Variants in RBMS3 observed in about 807,000 individuals in gnomAD.
The protein encoded by RBMS3 is RNA binding motif single stranded interacting protein 3.
In RBMS3, 27 loss-of-function variants were observed where a neutral mutation model predicts 66.8. The ratio of observed to expected loss-of-function variants is 0.40; its 90% confidence interval spans 0.30 to 0.56. The LOEUF (loss-of-function observed/expected upper bound fraction) is 0.56, where lower values mean the gene tolerates loss of function less well. Ranked by LOEUF, RBMS3 falls within the 20% of genes least tolerant of loss-of-function variation. The pLI is 0.40. For missense variants in RBMS3, 513 were observed against 549.5 expected, an observed-to-expected ratio of 0.93 and a Z score of 0.66; for synonymous variants, 188 against 183.0, an observed-to-expected ratio of 1.03 and a Z score of -0.22.
chr3:29,739,470 A>AG (rs1198126649), intron 4 of RBMS3, among the ~76,000 whole-genome samples: 1 of 151,584 alleles, frequency 6.6e-6, no homozygotes, highest in Non-Finnish European at 1.5e-5. Flanking sequence ...AAAAAAAAAA[A>AG]AAAAAAGAAA....
At chr3:29,729,437 G>A (rs138417112) in intron 4 of RBMS3, among the ~76,000 whole-genome samples, 20 of 151,992 alleles carry the variant, frequency 1.3e-4, no homozygotes, top group East Asian at 1.2e-3. Context: ...GAATAGTGCC[G>A]CAATAAACAT....
chr3:29,394,325 C>T (rs1236880947), intron 1 of RBMS3, among the ~76,000 whole-genome samples: 1 of 152,162 alleles, frequency 6.6e-6, no homozygotes, highest in Non-Finnish European at 1.5e-5. Context: ...TCCCTTGTTC[C>T]CTGAAAATCG....
At chr3:29,973,036 A>G (rs1697325027) in intron 12 of RBMS3, among the ~76,000 whole-genome samples, 1 of 152,078 alleles carries the variant, frequency 6.6e-6, no homozygotes, top group African/African-American at 2.4e-5. Flanking sequence ...AGTTTCTGGA[A>G]GAACTAACTA....
At chr3:29,398,939 G>C (rs1285281820) in intron 1 of RBMS3, among the ~76,000 whole-genome samples, 1 of 152,120 alleles carries the variant, frequency 6.6e-6, no homozygotes, top group Non-Finnish European at 1.5e-5. Context: ...ATTTTCTGCT[G>C]TACATCTGGG....
intron 1 of RBMS3, among the ~76,000 whole-genome samples, chr3:29,319,170 T>G (rs2034864543): frequency 6.6e-6 from 1 of 151,826 alleles, no homozygotes; most frequent in South Asian, 2.1e-4. Flanking sequence ...TGGGACAAAG[T>G]GACATAAGGA....
intron 3 of RBMS3, among the ~76,000 whole-genome samples, chr3:29,582,731 A>C (rs1175377055): frequency 1.3e-5 from 2 of 152,178 alleles, no homozygotes; most frequent in African/African-American, 4.8e-5. Flanking sequence ...AACAAATTGA[A>C]AGCAAATTAA....
chr3:29,962,106 C>T (rs114289667), intron 12 of RBMS3, among the ~76,000 whole-genome samples: 1 of 144,286 alleles, frequency 6.9e-6, no homozygotes, highest in African/African-American at 2.5e-5. Flanking sequence ...ATATACATAT[C>T]TTTCTTTTAT....
At chr3:29,928,064 A>G (rs2060987641) in intron 10 of RBMS3, among the ~76,000 whole-genome samples, 1 of 151,748 alleles carries the variant, frequency 6.6e-6, no homozygotes, top group South Asian at 2.1e-4. Flanking sequence ...TCCACTATGA[A>G]AAACTAACGC....
intron 14 of RBMS3, among the ~76,000 whole-genome samples, chr3:30,002,689 T>C (rs773141730): frequency 7.9e-5 from 12 of 152,002 alleles, no homozygotes; most frequent in Non-Finnish European, 1.3e-4. Context: ...TCTCAACTAG[T>C]TGCTTTCCTC....
At chr3:29,957,249 CT>C (rs1325429858) in intron 12 of RBMS3, among the ~76,000 whole-genome samples, 1 of 152,126 alleles carries the variant, frequency 6.6e-6, no homozygotes, top group Non-Finnish European at 1.5e-5. Context: ...GCTATAAACT[CT>C]TAGAGCAGAG....
intron 6 of RBMS3, among the ~76,000 whole-genome samples, chr3:29,777,858 T>C (rs1184185831): frequency 6.6e-6 from 1 of 151,928 alleles, no homozygotes; most frequent in Non-Finnish European, 1.5e-5. Context: ...CTCAGAGGTT[T>C]CTCTTTTCCC....
At chr3:29,886,067 AAAC>A (rs1013240824) in intron 8 of RBMS3, among the ~76,000 whole-genome samples, 1 of 151,940 alleles carries the variant, frequency 6.6e-6, no homozygotes, top group African/African-American at 2.4e-5. Context: ...AGTAAAATTT[AAAC>A]ATCATAATAT....
At chr3:29,298,327 A>G (rs1056500506) in intron 1 of RBMS3, among the ~76,000 whole-genome samples, 3 of 151,916 alleles carry the variant, frequency 2.0e-5, no homozygotes, top group Non-Finnish European at 4.4e-5. Flanking sequence ...CCTCCACTTC[A>G]TCTTTCTTCT....
chr3:29,659,063 C>T (rs1276750591), intron 4 of RBMS3, among the ~76,000 whole-genome samples: 2 of 152,062 alleles, frequency 1.3e-5, no homozygotes, highest in Non-Finnish European at 2.9e-5. Flanking sequence ...GTAATCTGCC[C>T]GCCTCAGCCT....
chr3:29,984,563 G>A (rs749777114), intron 12 of RBMS3, among the ~76,000 whole-genome samples: 1 of 152,058 alleles, frequency 6.6e-6, no homozygotes, highest in Non-Finnish European at 1.5e-5. Flanking sequence ...TCTACCTTTA[G>A]TCTTTGATGC....
chr3:29,816,092 G>C (rs72848015), intron 6 of RBMS3, among the ~76,000 whole-genome samples: 1 of 152,048 alleles, frequency 6.6e-6, no homozygotes, highest in Non-Finnish European at 1.5e-5. Context: ...GATGTATAGG[G>C]AGTATGGATT....
At chr3:29,292,844 C>T (rs56403515) in intron 1 of RBMS3, among the ~76,000 whole-genome samples, 1 of 151,782 alleles carries the variant, frequency 6.6e-6, no homozygotes, top group African/African-American at 2.4e-5. Flanking sequence ...TTTTCCTTTC[C>T]AAAGGCAATA....
At chr3:29,572,391 C>T (rs1403849266) in intron 3 of RBMS3, among the ~76,000 whole-genome samples, 1 of 152,020 alleles carries the variant, frequency 6.6e-6, no homozygotes, top group African/African-American at 2.4e-5. Context: ...CAGTATAATA[C>T]TAGTCATGGG....
chr3:29,739,975 A>C (rs2054564208), intron 5 of RBMS3, 98 bp downstream of exon 5: 1 of 291,028 alleles, frequency 3.4e-6, no homozygotes, highest in Non-Finnish European at 4.5e-6. Flanking sequence ...TAGAATATGC[A>C]AAAAAAAAAA....
Sources: allele counts gnomAD v4.1 joint callset (sites outside exome capture counted in the v4.1 genomes callset), GRCh38; gene constraint gnomAD v4.1.1; transcripts MANE v1.5; gene names NCBI Gene and HGNC (gene_info 2026-07-23, HGNC 2026-07-21).